The following LYRM4 variants were observed in gnomAD, a reference collection of about 807,000 sequenced individuals.
LYRM4 encodes the protein LYR motif containing 4.
LYRM4 carries 9 observed loss-of-function variants against 11.7 expected under a neutral mutation model. The observed-to-expected ratio is 0.77, with a 90% CI of 0.46 to 1.34. LYRM4 has a LOEUF of 1.34. Ranked by LOEUF, LYRM4 falls within the 40% of genes most tolerant of loss-of-function variation. The pLI, the probability that LYRM4 is intolerant of heterozygous loss-of-function variation, is 0.00. For synonymous variants in LYRM4, 42 were observed against 40.4 expected (o/e 1.04, Z -0.15); for missense variants, 133 against 112.5 (o/e 1.18, Z -0.82).
At chr6:5,247,533 A>G (rs992846335) in intron 1 of LYRM4, among the ~76,000 whole-genome samples, 5 of 152,246 alleles carry the variant, frequency 3.3e-5, no homozygotes, top group African/African-American at 4.8e-5. Flanking sequence ...TAGGAATCAG[A>G]TGTGGAGGAG....
the LYRM4 span, among the ~76,000 whole-genome samples, chr6:5,076,027 C>G: frequency 6.6e-6 from 1 of 151,950 alleles, no homozygotes. Flanking sequence ...TCACTGCAGC[C>G]TCATTCTCCT....
chr6:5,245,134 A>G (rs1477835263), intron 1 of LYRM4, among the ~76,000 whole-genome samples: 6 of 83,906 alleles, frequency 7.2e-5, no homozygotes, highest in Admixed American at 1.2e-4. Context: ...ATATATATAT[A>G]TATATATATA....
the LYRM4 span, among the ~76,000 whole-genome samples, chr6:5,052,881 AC>A: frequency 6.6e-6 from 1 of 152,076 alleles, no homozygotes; most frequent in African/African-American, 2.4e-5. Context: ...GAGCATGTAC[AC>A]TCATTTTTGA....
intron 2 of LYRM4, among the ~76,000 whole-genome samples, chr6:5,125,108 G>T (rs1763641366): frequency 6.6e-6 from 1 of 152,122 alleles, no homozygotes; most frequent in South Asian, 2.1e-4. Context: ...TTGCTGACGT[G>T]GCTGCTGCAG....
intron 2 of LYRM4, among the ~76,000 whole-genome samples, chr6:5,186,046 T>C (rs1473732845): frequency 1.3e-5 from 2 of 152,126 alleles, no homozygotes; most frequent in African/African-American, 4.8e-5. Flanking sequence ...CCTGGAACCC[T>C]GGGTATCTGT....
At chr6:5,046,621 G>T in the LYRM4 span, among the ~76,000 whole-genome samples, 8 of 152,306 alleles carry the variant, frequency 5.3e-5, no homozygotes, top group South Asian at 1.5e-3. Context: ...TTTGCACACA[G>T]GCTCCCCATA....
chr6:5,229,302 G>T (rs1763092485), intron 1 of LYRM4, among the ~76,000 whole-genome samples: 1 of 152,164 alleles, frequency 6.6e-6, no homozygotes, highest in African/African-American at 2.4e-5. Flanking sequence ...AACTTGCCAA[G>T]CAAATGAAAA....
At chr6:5,189,058 G>T (rs1403376947) in intron 2 of LYRM4, among the ~76,000 whole-genome samples, 9 of 152,192 alleles carry the variant, frequency 5.9e-5, no homozygotes, top group African/African-American at 2.2e-4. Flanking sequence ...ACTGCATGTG[G>T]CTCCCACGGT....
At chr6:5,215,089 C>T (rs1048607410) in intron 2 of LYRM4, among the ~76,000 whole-genome samples, 6 of 150,834 alleles carry the variant, frequency 4.0e-5, no homozygotes, top group African/African-American at 1.5e-4. Flanking sequence ...CAAGAAGTGA[C>T]ACAGACAATT....
At chr6:5,132,314 G>A (rs1763993364) in intron 2 of LYRM4, among the ~76,000 whole-genome samples, 1 of 152,124 alleles carries the variant, frequency 6.6e-6, no homozygotes, top group Non-Finnish European at 1.5e-5. Flanking sequence ...TGGAACCAGA[G>A]AAACTGAGTA....
At chr6:5,061,152 T>C in the LYRM4 span, among the ~76,000 whole-genome samples, 186 of 152,354 alleles carry the variant, frequency 1.2e-3, 2 homozygotes, top group East Asian at 3.3e-3. Context: ...GGTGAGGGAT[T>C]ATTTTACTTT....
chr6:5,223,067 A>C (rs1458751188), intron 1 of LYRM4, among the ~76,000 whole-genome samples: 4 of 152,248 alleles, frequency 2.6e-5, no homozygotes, highest in Non-Finnish European at 4.4e-5. Context: ...TAACAACCAG[A>C]GGACAATGCC....
At chr6:5,059,733 G>C in the LYRM4 span, among the ~76,000 whole-genome samples, 122 of 151,578 alleles carry the variant, frequency 8.0e-4, no homozygotes, top group African/African-American at 2.8e-3. Flanking sequence ...TTAACCATCT[G>C]TACCCCATTG....
chr6:5,164,939 G>A (rs1215965531), intron 2 of LYRM4, among the ~76,000 whole-genome samples: 1 of 131,938 alleles, frequency 7.6e-6, no homozygotes, highest in Non-Finnish European at 1.5e-5. Flanking sequence ...CCACACTCTA[G>A]CCTGGGCGAC....
At chr6:5,217,441 T>C (rs1762339198) in intron 1 of LYRM4, among the ~76,000 whole-genome samples, 1 of 152,212 alleles carries the variant, frequency 6.6e-6, no homozygotes. Context: ...AGGCTTGGGT[T>C]TGTAGCCTTG....
At chr6:5,143,755 G>A (rs1043203035) in intron 2 of LYRM4, among the ~76,000 whole-genome samples, 2 of 151,670 alleles carry the variant, frequency 1.3e-5, no homozygotes, top group Admixed American at 6.6e-5. Context: ...AAGGCTGCGG[G>A]AACAAAAAAT....
At chr6:5,177,591 T>G (rs1759795985) in intron 2 of LYRM4, among the ~76,000 whole-genome samples, 1 of 152,216 alleles carries the variant, frequency 6.6e-6, no homozygotes, top group Non-Finnish European at 1.5e-5. Flanking sequence ...CCGCTCTGGC[T>G]TGAGGAATCT....
intron 2 of LYRM4, among the ~76,000 whole-genome samples, chr6:5,180,570 T>C (rs1760011204): frequency 6.6e-6 from 1 of 152,188 alleles, no homozygotes; most frequent in South Asian, 2.1e-4. Flanking sequence ...CAGTTTCCTG[T>C]CTTCCCACTT....
intron 2 of LYRM4, among the ~76,000 whole-genome samples, chr6:5,210,404 A>C (rs957013451): frequency 6.6e-6 from 1 of 152,100 alleles, no homozygotes; most frequent in Non-Finnish European, 1.5e-5. Flanking sequence ...AAATGACTTA[A>C]GCTTCCTATC....
Sources: gnomAD v4.1 joint callset for allele counts (sites outside exome capture counted in the v4.1 genomes callset) on GRCh38, gnomAD v4.1.1 for gene constraint, MANE v1.5 for transcripts, NCBI Gene and HGNC (gene_info 2026-07-23, HGNC 2026-07-21) for gene names.